Variants in PDLIM5 observed in about 807,000 individuals in gnomAD.
The protein encoded by PDLIM5 is PDZ and LIM domain protein 5.
Under a neutral mutation model 64.2 loss-of-function variants are expected in PDLIM5, and 34 were observed. The ratio of observed to expected loss-of-function variants is 0.53; its 90% confidence interval spans 0.40 to 0.71. PDLIM5 has a LOEUF of 0.71. PDLIM5 is among the 30% of genes least tolerant of loss of function. PDLIM5 has a pLI of 0.00. For missense variants in PDLIM5, 683 were observed against 733.6 expected (o/e 0.93, Z 0.80); for synonymous variants, 253 against 269.1 (o/e 0.94, Z 0.59).
chr4:94,578,950 G>A (rs1735509171), intron 5 of PDLIM5, among the ~76,000 whole-genome samples: 2 of 151,972 alleles, frequency 1.3e-5, no homozygotes, highest in African/African-American at 4.8e-5. Flanking sequence ...TAGTTTTTAA[G>A]CTAGTTTGAT....
chr4:94,458,756 C>G (rs1196961688), intron 2 of PDLIM5, among the ~76,000 whole-genome samples: 1 of 152,148 alleles, frequency 6.6e-6, no homozygotes, highest in Non-Finnish European at 1.5e-5. Context: ...TGTGAATATG[C>G]TGAATACAAC....
chr4:94,464,681 T>C (rs1724192551), intron 2 of PDLIM5, among the ~76,000 whole-genome samples: 1 of 152,234 alleles, frequency 6.6e-6, no homozygotes, highest in Non-Finnish European at 1.5e-5. Flanking sequence ...TTTTGGTCAT[T>C]CCTTTGAAGT....
At chr4:94,463,822 G>C (rs1391625080) in intron 2 of PDLIM5, among the ~76,000 whole-genome samples, 2 of 152,168 alleles carry the variant, frequency 1.3e-5, no homozygotes, top group Admixed American at 1.3e-4. Flanking sequence ...ATGGTCCGAG[G>C]AATGGCAAAT....
intron 7 of PDLIM5, among the ~76,000 whole-genome samples, chr4:94,614,172 A>C (rs1358225297): frequency 2.0e-5 from 3 of 152,182 alleles, no homozygotes; most frequent in Admixed American, 6.5e-5. Flanking sequence ...CACATTGTCC[A>C]GGATGGTCTC....
intron 9 of PDLIM5, among the ~76,000 whole-genome samples, chr4:94,653,348 G>C (rs1197375941): frequency 6.6e-6 from 1 of 152,118 alleles, no homozygotes; most frequent in Non-Finnish European, 1.5e-5. Context: ...GGACAAATTA[G>C]ATAAGTGTAA....
At chr4:94,590,692 T>C (rs1337284382) in intron 7 of PDLIM5, among the ~76,000 whole-genome samples, 1 of 152,000 alleles carries the variant, frequency 6.6e-6, no homozygotes, top group Admixed American at 6.6e-5. Flanking sequence ...GGGAGACAAG[T>C]GTGGAAAGGA....
intron 2 of PDLIM5, among the ~76,000 whole-genome samples, chr4:94,500,038 T>C (rs1727773261): frequency 6.6e-6 from 1 of 152,214 alleles, no homozygotes; most frequent in Admixed American, 6.5e-5. Context: ...CTTGAGCACC[T>C]GTAGAATTTT....
intron 3 of PDLIM5, among the ~76,000 whole-genome samples, chr4:94,552,574 C>T (rs1017263833): frequency 6.6e-6 from 1 of 151,752 alleles, no homozygotes; most frequent in Non-Finnish European, 1.5e-5. Context: ...CGCATATGAT[C>T]CCAATAGAGA....
chr4:94,531,266 A>G (rs1016127162), intron 3 of PDLIM5, among the ~76,000 whole-genome samples: 2 of 152,198 alleles, frequency 1.3e-5, no homozygotes, highest in African/African-American at 2.4e-5. Context: ...TCCCCCATCC[A>G]TCATTAAAAT....
At chr4:94,453,376 A>T (rs1723037605) in intron 1 of PDLIM5, among the ~76,000 whole-genome samples, 2 of 152,190 alleles carry the variant, frequency 1.3e-5, no homozygotes, top group African/African-American at 4.8e-5. Context: ...ACGGACAGTG[A>T]CTAGAAATGA....
intron 7 of PDLIM5, among the ~76,000 whole-genome samples, chr4:94,592,464 G>A (rs189489665): frequency 1.3e-5 from 2 of 152,310 alleles, no homozygotes; most frequent in African/African-American, 4.8e-5. Flanking sequence ...CTTTGGAAAT[G>A]TGTAGGCTAA....
intron 3 of PDLIM5, among the ~76,000 whole-genome samples, chr4:94,573,041 G>T (rs940733114): frequency 2.6e-5 from 4 of 152,144 alleles, no homozygotes; most frequent in African/African-American, 9.7e-5. Context: ...TAGGTGGGGG[G>T]TATCCTTAAC....
At chr4:94,598,741 A>G (rs933677472) in intron 7 of PDLIM5, among the ~76,000 whole-genome samples, 1 of 152,154 alleles carries the variant, frequency 6.6e-6, no homozygotes, top group Non-Finnish European at 1.5e-5. Flanking sequence ...TTAGGTTATG[A>G]TATATTCTAT....
intron 9 of PDLIM5, among the ~76,000 whole-genome samples, chr4:94,653,366 T>C (rs1268749996): frequency 6.6e-6 from 1 of 152,114 alleles, no homozygotes; most frequent in African/African-American, 2.4e-5. Flanking sequence ...TAAAAGTGCC[T>C]TGGAGGTAAA....
At chr4:94,514,992 C>T (rs892675753) in intron 2 of PDLIM5, among the ~76,000 whole-genome samples, 1 of 152,144 alleles carries the variant, frequency 6.6e-6, no homozygotes, top group Non-Finnish European at 1.5e-5. Flanking sequence ...TTATTCATCA[C>T]TTTATGTATA....
intron 2 of PDLIM5, among the ~76,000 whole-genome samples, chr4:94,461,420 A>G (rs142627459): frequency 7.7e-4 from 117 of 152,310 alleles, no homozygotes; most frequent in African/African-American, 2.4e-3. Context: ...TAGGTATTCT[A>G]TGTGTTGGGC....
chr4:94,515,590 C>T (rs548190023), intron 2 of PDLIM5, among the ~76,000 whole-genome samples: 1 of 152,236 alleles, frequency 6.6e-6, no homozygotes, highest in East Asian at 1.9e-4. Flanking sequence ...TTCATTAAAT[C>T]GTAAGTTCCT....
chr4:94,667,831 A>G lies in PDLIM5; in HGVS notation c.*3764A>G, dbSNP rs1425768111. The G allele has an allele frequency of 2.0e-5, 3 of 152,166 alleles. No homozygotes were observed. In the East Asian group the frequency reaches 5.8e-4, roughly 29 times the overall value. The allele number at this position is 152,166 out of a possible 1,614,324, so 9.4% of individuals were successfully genotyped here. A position where few individuals can be genotyped will look rare whatever the true frequency, so the allele number is the denominator to read the frequency against. ...GCAGTACTACATTAGGAGCCCTTTT[A>G]TAGAAAATAATTTCTTCTTTACCCC... is the stretch of plus-strand genomic sequence containing the variant. On this transcript the variant is annotated 3_prime_UTR_variant, in exon 13 of 13. Coordinates refer to ENST00000317968, the MANE Select transcript of PDLIM5 (RefSeq NM_006457.5).
intron 8 of PDLIM5, among the ~76,000 whole-genome samples, chr4:94,637,770 G>A (rs988149000): frequency 2.0e-5 from 3 of 152,132 alleles, no homozygotes; most frequent in Admixed American, 2.0e-4. Flanking sequence ...TATTTTAGAA[G>A]CAGGAACATA....
Sources: gnomAD v4.1 joint callset for allele counts (sites outside exome capture counted in the v4.1 genomes callset) on GRCh38, gnomAD v4.1.1 for gene constraint, MANE v1.5 for transcripts, NCBI Gene and HGNC (gene_info 2026-07-23, HGNC 2026-07-21) for gene names.